The following ACVR1B variants were observed in gnomAD, a reference collection of about 807,000 sequenced individuals.
ACVR1B encodes activin A receptor type 1B, also known as activin receptor type-1B.
In ACVR1B, 15 loss-of-function variants were observed where a neutral mutation model predicts 55.6. That is an observed-to-expected ratio of 0.27 (90% CI 0.18 to 0.42). The LOEUF (loss-of-function observed/expected upper bound fraction) is 0.42, where lower values mean the gene tolerates loss of function less well. ACVR1B is among the 10% of genes least tolerant of loss of function. The pLI is 1.00. For synonymous variants in ACVR1B, 247 were observed against 254.6 expected (o/e 0.97, Z 0.28); for missense variants, 359 against 670.1 (o/e 0.54, Z 5.13).
chr12:51,965,886 A>C (rs1941630173), intron 1 of ACVR1B, among the ~76,000 whole-genome samples: 1 of 152,164 alleles, frequency 6.6e-6, no homozygotes, highest in Non-Finnish European at 1.5e-5. Flanking sequence ...GTTGGATGAA[A>C]TCGATTACAG....
Position 51,995,643 on chromosome 12 carries a change from C to G in ACVR1B, c.*1533C>G, listed in dbSNP as rs1485354808. Reference sequence around the variant, plus strand: ...TATTAAGTTTTTGTAAAAGGAAAACCATCTCTGTGATTACCTCTCAATCTA... The same window carrying G: ...TATTAAGTTTTTGTAAAAGGAAAACGATCTCTGTGATTACCTCTCAATCTA... On this transcript the variant is annotated 3_prime_UTR_variant, in exon 9 of 9. Coordinates refer to ENST00000257963, the MANE Select transcript of ACVR1B (RefSeq NM_004302.5). 6.6e-6 allele frequency: 1 copy of G among 151,374 alleles called. No individual in the cohort carries two copies. Among genetic ancestry groups the G allele is most frequent in the Non-Finnish European group, 1.5e-5 (1 of 67,824 alleles). 9.4% of individuals were successfully genotyped at this position (151,374 alleles called of 1,614,324 possible).
chr12:51,986,165 A>G (rs1214595211), intron 6 of ACVR1B, among the ~76,000 whole-genome samples: 1 of 152,366 alleles, frequency 6.6e-6, no homozygotes, highest in East Asian at 1.9e-4. Flanking sequence ...CCTGGTGTCA[A>G]CCAAATATTA....
In ACVR1B at chr12:51,976,355, C is replaced by A. The variant is rs1340712023; in HGVS notation, c.360C>A (p.Ser120=). Residue 120 remains serine (S), a synonymous_variant, in exon 3 of 9, where the codon TCC becomes TCA. Coordinates refer to ENST00000257963, the MANE Select transcript of ACVR1B (RefSeq NM_004302.5). ...SGHLKEPEHP[S]MWGPVELVGI... ...ACCTCAAGGAGCCTGAGCACCCGTC[C>A]ATGTGGGGCCCGGTGGAGCTGGTAG... is the stretch of plus-strand genomic sequence containing the variant. 2 of 1,614,174 alleles carry A rather than the reference C, an allele frequency of 1.2e-6. No individual in the cohort carries two copies. The highest frequency in any genetic ancestry group is 2.2e-5 in the South Asian group (2 of 91,072).
intron 6 of ACVR1B, 52 bp downstream of exon 6, chr12:51,985,400 C>T: frequency 6.5e-7 from 1 of 1,549,632 alleles, no homozygotes; most frequent in African/African-American, 1.4e-5. Context: ...CTGAGTATCC[C>T]ATCTGTGCCG....
At chr12:51,955,095 C>T (rs1291717237) in intron 1 of ACVR1B, among the ~76,000 whole-genome samples, 2 of 152,100 alleles carry the variant, frequency 1.3e-5, no homozygotes, top group Non-Finnish European at 2.9e-5. Context: ...GGTTTGGCAA[C>T]GTTTTAATTC....
At chr12:51,990,922 A>G (rs1384491953) in intron 7 of ACVR1B, among the ~76,000 whole-genome samples, 1 of 152,158 alleles carries the variant, frequency 6.6e-6, no homozygotes, top group Non-Finnish European at 1.5e-5. Flanking sequence ...GGCAGCTAGA[A>G]TCATTTCTGG....
intron 1 of ACVR1B, among the ~76,000 whole-genome samples, chr12:51,967,175 G>A (rs1941658128): frequency 6.6e-6 from 1 of 152,108 alleles, no homozygotes; most frequent in Non-Finnish European, 1.5e-5. Flanking sequence ...AGGAGGCAGA[G>A]TTTGCAGTGA....
chr12:51,990,716 C>A (rs2120750040), intron 7 of ACVR1B, among the ~76,000 whole-genome samples: 1 of 152,164 alleles, frequency 6.6e-6, no homozygotes, highest in East Asian at 1.9e-4. Context: ...AAGTTTTATC[C>A]CCTGCAGTTG....
rs532644389 is a variant in ACVR1B, at chr12:51,959,629, G to A, written c.91+7795G>A. Among the ~76,000 whole-genome samples the A allele has an allele frequency of 2.0e-5, 3 of 152,292 alleles. No individual in the cohort carries two copies. The South Asian group carries it at 6.2e-4, about 32-fold the overall frequency. On this transcript the variant is annotated intron_variant, in intron 1 of 8. Coordinates refer to ENST00000257963, the MANE Select transcript of ACVR1B (RefSeq NM_004302.5). ...GTTTAAAAAATGTATGCATTGGGTG[G>A]GGGTGAGTCAAATGGTGATGGTGAA... is the stretch of plus-strand genomic sequence containing the variant.
At chr12:51,973,871 C>G (rs537840737) in intron 1 of ACVR1B, among the ~76,000 whole-genome samples, 3 of 152,148 alleles carry the variant, frequency 2.0e-5, no homozygotes, top group Admixed American at 2.0e-4. Flanking sequence ...TCGGGTGGGA[C>G]TAGCAAGGAA....
chr12:51,979,158 C>T (rs1370916196), intron 3 of ACVR1B, among the ~76,000 whole-genome samples: 5 of 105,078 alleles, frequency 4.8e-5, no homozygotes, highest in African/African-American at 1.3e-4. Flanking sequence ...AGCAAAGCTC[C>T]GTCTCAAAAA....
At chr12:51,958,069 G>A (rs1941446937) in intron 1 of ACVR1B, among the ~76,000 whole-genome samples, 1 of 152,210 alleles carries the variant, frequency 6.6e-6, no homozygotes, top group Non-Finnish European at 1.5e-5. Context: ...GTGCATGGCT[G>A]TCAGTGAGCA....
At chr12:51,962,058 C>A (rs771534385) in intron 1 of ACVR1B, among the ~76,000 whole-genome samples, 31 of 152,224 alleles carry the variant, frequency 2.0e-4, no homozygotes, top group Non-Finnish European at 3.7e-4. Flanking sequence ...ACAAAGCTTT[C>A]ATTCTCTAAC....
At chr12:51,952,439 T>C (rs759369135) in intron 1 of ACVR1B, among the ~76,000 whole-genome samples, 20 of 152,176 alleles carry the variant, frequency 1.3e-4, no homozygotes, top group Admixed American at 1.0e-3. Flanking sequence ...ACATTTCCCC[T>C]TCACTCAATC....
At position 51,994,521 on chromosome 12, in the gene ACVR1B, C is replaced by A. The variant is rs939008675; in HGVS notation, c.*411C>A. 7.3e-5 allele frequency: 13 copies of A among 177,286 alleles called. No homozygotes were observed. Among genetic ancestry groups the A allele is most frequent in the Middle Eastern group, 5.1e-3 (2 of 396 alleles). 11.0% of individuals were successfully genotyped at this position (177,286 alleles called of 1,614,324 possible). On this transcript the variant is annotated 3_prime_UTR_variant, in exon 9 of 9. Transcript: ENST00000257963. The surrounding 1 kb of genome is among the most constrained non-coding windows in gnomAD (Gnocchi z 4.2). ...CCTTCGGGGACCAGCCCACAGCACA[C>A]CAAGGTGGCCCGGAAGAACCAGAAG...
At chr12:51,970,182 A>G (rs1941720297) in intron 1 of ACVR1B, among the ~76,000 whole-genome samples, 1 of 152,174 alleles carries the variant, frequency 6.6e-6, no homozygotes, top group Non-Finnish European at 1.5e-5. Flanking sequence ...ATCTGATCAC[A>G]TGAAGGTGTT....
At chr12:51,964,094 T>C (rs1202531413) in intron 1 of ACVR1B, among the ~76,000 whole-genome samples, 1 of 152,250 alleles carries the variant, frequency 6.6e-6, no homozygotes, top group Non-Finnish European at 1.5e-5. Context: ...TTTGTATATC[T>C]TCGGAGAAAT....
chr12:51,992,964 C>T (rs1360681312), intron 8 of ACVR1B, among the ~76,000 whole-genome samples: 2 of 152,190 alleles, frequency 1.3e-5, no homozygotes, highest in African/African-American at 4.8e-5. Context: ...TTTTCACTTG[C>T]GGTTCTGCAT....
chr12:51,981,135 G>A lies in ACVR1B; in HGVS notation c.747G>A (p.Glu249=), dbSNP rs754386205. The change falls in exon 4 of 9, where the codon GAG becomes GAA. Residue 249 remains glutamate, a synonymous_variant. Coordinates refer to ENST00000257963, the MANE Select transcript of ACVR1B (RefSeq NM_004302.5). ...AACGGTCTTGGTTCAGGGAAGCAGA[G>A]ATATACCAGACGGTCATGCTGCGCC... ...REERSWFREA[E]IYQTVMLRHE... 1 of 1,614,194 alleles carries A rather than the reference G, an allele frequency of 6.2e-7. No individual in the cohort carries two copies. The highest frequency in any genetic ancestry group is 8.5e-7 in the Non-Finnish European group (1 of 1,180,036).
Sources: gnomAD v4.1 joint callset for allele counts (sites outside exome capture counted in the v4.1 genomes callset) on GRCh38, gnomAD v4.1.1 for gene constraint, Gnocchi (gnomAD v3.1) non-coding constraint, MANE v1.5 for transcripts, NCBI Gene and HGNC (gene_info 2026-07-23, HGNC 2026-07-21) for gene names.